Variants in SAXO1 observed in about 807,000 individuals in gnomAD.
The protein encoded by SAXO1 is stabilizer of axonemal microtubules 1.
SAXO1 carries 21 observed loss-of-function variants against 17.5 expected under a neutral mutation model. The ratio of observed to expected loss-of-function variants is 1.20; its 90% CI spans 0.85 to 1.72. SAXO1 has a LOEUF of 1.72. SAXO1 is among the 40% of genes most tolerant of loss of function. The pLI, the probability that SAXO1 is intolerant of heterozygous loss-of-function variation, is 0.00. For missense variants in SAXO1, 843 were observed against 596.0 expected (o/e 1.41, Z -4.32); for synonymous variants, 274 against 216.5 (o/e 1.27, Z -2.33).
intron 1 of SAXO1, among the ~76,000 whole-genome samples, chr9:19,013,137 A>C (rs1834822674): frequency 6.6e-6 from 1 of 152,190 alleles, no homozygotes. Flanking sequence ...CACACCAAAA[A>C]AAAAAGGAAT....
intron 1 of SAXO1, among the ~76,000 whole-genome samples, chr9:19,002,012 G>C (rs1834293793): frequency 6.6e-6 from 1 of 152,082 alleles, no homozygotes; most frequent in Admixed American, 6.6e-5. Flanking sequence ...GACTAATAAA[G>C]AAGAAAAGAG....
intron 1 of SAXO1, among the ~76,000 whole-genome samples, chr9:19,002,009 A>G (rs1049792464): frequency 6.6e-6 from 1 of 152,204 alleles, no homozygotes; most frequent in Non-Finnish European, 1.5e-5. Flanking sequence ...CCAGACTAAT[A>G]AAGAAGAAAA....
intron 1 of SAXO1, among the ~76,000 whole-genome samples, chr9:18,995,677 C>A (rs1833971404): frequency 6.6e-6 from 1 of 152,128 alleles, no homozygotes; most frequent in South Asian, 2.1e-4. Flanking sequence ...TCAAAGTCCC[C>A]ACAAATAATT....
intron 2 of SAXO1, among the ~76,000 whole-genome samples, chr9:18,945,649 C>T (rs1043880001): frequency 6.6e-6 from 1 of 152,160 alleles, no homozygotes; most frequent in Non-Finnish European, 1.5e-5. Flanking sequence ...GATTCCAAGC[C>T]CATGCACTCC....
Position 18,928,677 on chromosome 9 carries a change from G to C in SAXO1, c.800C>G (p.Pro267Arg), listed in dbSNP as rs915895714. 1.1e-5 allele frequency: 17 copies of C among 1,614,026 alleles called. No homozygotes were observed. The highest frequency in any genetic ancestry group is 2.2e-5 in the East Asian group (1 of 44,870). ...TCGAAACTCAGTGGTGTTACAGAAA[G>C]GCATGTCTAGCCCAGGAGGCCTGGC... The part of the protein sequence containing the change: ...PLARPPGLDM[P>R]FCNTTEFRDK... The change falls in exon 4 of 4, where the codon CCT (proline) becomes CGT (arginine). Residue 267 changes from proline to arginine, a missense_variant. By Grantham distance (103) the Pro-to-Arg change is moderately radical (BLOSUM62 -2). Coordinates refer to ENST00000380534, the MANE Select transcript of SAXO1 (RefSeq NM_153707.4).
At chr9:18,993,778 T>A (rs534125107) in intron 1 of SAXO1, among the ~76,000 whole-genome samples, 210 of 152,280 alleles carry the variant, frequency 1.4e-3, no homozygotes, top group African/African-American at 4.9e-3. Context: ...AGCTACCATA[T>A]TACCATATTC....
At chr9:19,047,196 A>G (rs1836238238) in intron 1 of SAXO1, among the ~76,000 whole-genome samples, 1 of 152,024 alleles carries the variant, frequency 6.6e-6, no homozygotes, top group Non-Finnish European at 1.5e-5. Flanking sequence ...CAAAACAAAA[A>G]CAAAAACAAA....
intron 1 of SAXO1, among the ~76,000 whole-genome samples, chr9:18,979,957 C>T (rs190200255): frequency 6.6e-6 from 1 of 152,248 alleles, no homozygotes; most frequent in Non-Finnish European, 1.5e-5. Context: ...AGAGACATTT[C>T]ACCGGGACTT....
chr9:19,011,434 C>G (rs1834727348), intron 1 of SAXO1, among the ~76,000 whole-genome samples: 1 of 152,138 alleles, frequency 6.6e-6, no homozygotes, highest in Non-Finnish European at 1.5e-5. Flanking sequence ...AGAGACACGC[C>G]CGATGCACAT....
At chr9:18,960,628 C>A (rs752711326) in intron 1 of SAXO1, among the ~76,000 whole-genome samples, 1 of 151,978 alleles carries the variant, frequency 6.6e-6, no homozygotes, top group African/African-American at 2.4e-5. Flanking sequence ...AAACAACATA[C>A]AAAAGTTATC....
At chr9:18,993,646 G>C (rs1833898406) in intron 1 of SAXO1, among the ~76,000 whole-genome samples, 2 of 152,190 alleles carry the variant, frequency 1.3e-5, no homozygotes, top group Non-Finnish European at 2.9e-5. Context: ...AGAGAGAACA[G>C]GCTCTGCTGT....
At chr9:18,934,495 A>T (rs2131679007) in intron 3 of SAXO1, among the ~76,000 whole-genome samples, 1 of 152,122 alleles carries the variant, frequency 6.6e-6, no homozygotes, top group East Asian at 1.9e-4. Flanking sequence ...TTCCAACTCC[A>T]GAGTTTTCAT....
chr9:18,936,665 A>T (rs1424323968), intron 3 of SAXO1, among the ~76,000 whole-genome samples: 1 of 152,236 alleles, frequency 6.6e-6, no homozygotes, highest in Non-Finnish European at 1.5e-5. Context: ...CAAACTATTC[A>T]TATGCCAGTA....
intron 1 of SAXO1, among the ~76,000 whole-genome samples, chr9:19,016,308 C>T (rs4287026): frequency 0.53 from 81,134 of 151,840 alleles, 22,519 homozygotes; most frequent in Non-Finnish European, 0.62. Context: ...TGGTGGTGCA[C>T]GCCTGTAGTC....
intron 1 of SAXO1, among the ~76,000 whole-genome samples, chr9:18,955,757 A>G (rs1393562997): frequency 2.0e-5 from 3 of 151,568 alleles, no homozygotes; most frequent in African/African-American, 7.3e-5. Flanking sequence ...TGCCACTCTC[A>G]CTTTTCTCTG....
intron 1 of SAXO1, among the ~76,000 whole-genome samples, chr9:18,977,621 T>C (rs1279852090): frequency 6.6e-6 from 1 of 152,158 alleles, no homozygotes; most frequent in African/African-American, 2.4e-5. Context: ...TTAACTTGGG[T>C]TCCTTGAACT....
intron 1 of SAXO1, among the ~76,000 whole-genome samples, chr9:18,994,451 A>G (rs1422646352): frequency 6.6e-6 from 1 of 152,196 alleles, no homozygotes; most frequent in East Asian, 1.9e-4. Context: ...TATTTATACT[A>G]CGTGCTCACT....
intron 1 of SAXO1, among the ~76,000 whole-genome samples, chr9:19,045,794 C>T (rs1351847777): frequency 6.6e-6 from 1 of 152,206 alleles, no homozygotes; most frequent in Admixed American, 6.5e-5. Context: ...CCAATGATCA[C>T]TGAACAAATA....
At chr9:18,929,552 T>A (rs1490124704) in intron 3 of SAXO1, among the ~76,000 whole-genome samples, 3 of 152,206 alleles carry the variant, frequency 2.0e-5, no homozygotes, top group Non-Finnish European at 4.4e-5. Context: ...TGTGTCCCTG[T>A]AATCCTCACA....
Sources: gnomAD v4.1 joint callset for allele counts (sites outside exome capture counted in the v4.1 genomes callset) on GRCh38, gnomAD v4.1.1 for gene constraint, MANE v1.5 for transcripts, NCBI Gene and HGNC (gene_info 2026-07-23, HGNC 2026-07-21) for gene names.